SPMIP10: variants seen among roughly 807,000 people sequenced by gnomAD.
The protein encoded by SPMIP10 is sperm microtubule inner protein 10, also known as sperm-associated microtubule inner protein 10.
the SPMIP10 span, chr5:126,631,712 T>A: frequency 0.086 from 128,073 of 1,481,038 alleles, 13,313 homozygotes; most frequent in African/African-American, 0.51. Context: ...TTTAGATGAG[T>A]ATTCCATCCA....
chr5:126,634,203 G>A, the SPMIP10 span, among the ~76,000 whole-genome samples: 12 of 152,180 alleles, frequency 7.9e-5, no homozygotes, highest in African/African-American at 2.2e-4. Flanking sequence ...AGGCGGAGGC[G>A]GGCAGATAAC....
the SPMIP10 span, among the ~76,000 whole-genome samples, chr5:126,633,285 A>T: frequency 6.6e-6 from 1 of 152,140 alleles, no homozygotes; most frequent in African/African-American, 2.4e-5. Context: ...ATAGAGAGGC[A>T]TGGGAATATT....
At chr5:126,635,450 T>G in the SPMIP10 span, among the ~76,000 whole-genome samples, 1 of 152,242 alleles carries the variant, frequency 6.6e-6, no homozygotes, top group African/African-American at 2.4e-5. Context: ...ATTTTATATT[T>G]GAAAAAGCTG....
At chr5:126,636,162 C>T in the SPMIP10 span, 2 of 1,614,130 alleles carry the variant, frequency 1.2e-6, no homozygotes, top group Middle Eastern at 1.6e-4. Flanking sequence ...ATAAAAATTG[C>T]AGATATGCCT....
chr5:126,635,101 C>T, the SPMIP10 span, among the ~76,000 whole-genome samples: 2 of 151,042 alleles, frequency 1.3e-5, no homozygotes, highest in Non-Finnish European at 2.9e-5. Context: ...CTAGGAGTTC[C>T]AGGCTGCAGT....
At chr5:126,635,470 G>C in the SPMIP10 span, among the ~76,000 whole-genome samples, 1 of 151,894 alleles carries the variant, frequency 6.6e-6, no homozygotes, top group South Asian at 2.1e-4. Flanking sequence ...GAGTCTTCTG[G>C]GAGTAAATGA....
the SPMIP10 span, among the ~76,000 whole-genome samples, chr5:126,634,324 T>G: frequency 6.6e-6 from 1 of 152,056 alleles, no homozygotes; most frequent in African/African-American, 2.4e-5. Context: ...CCCAGCTACT[T>G]GGGAGGCTGA....
the SPMIP10 span, among the ~76,000 whole-genome samples, chr5:126,632,286 A>T: frequency 5.2e-5 from 7 of 135,382 alleles, no homozygotes; most frequent in Admixed American, 2.3e-4. Context: ...AAAAAAAAAA[A>T]GTCAGATTAA....
At chr5:126,633,008 C>CATATACATATAT in the SPMIP10 span, among the ~76,000 whole-genome samples, 9 of 125,366 alleles carry the variant, frequency 7.2e-5, no homozygotes, top group African/African-American at 3.5e-4. Context: ...ATAAATTTTA[C>CATATACATATAT]ATATATATAT....
chr5:126,633,880 G>A, the SPMIP10 span, among the ~76,000 whole-genome samples: 21 of 151,290 alleles, frequency 1.4e-4, no homozygotes, highest in Admixed American at 1.2e-3. Context: ...GTCCAGGCTG[G>A]TCTCCTGGGC....
At chr5:126,634,938 T>G in the SPMIP10 span, among the ~76,000 whole-genome samples, 1 of 151,928 alleles carries the variant, frequency 6.6e-6, no homozygotes, top group Admixed American at 6.6e-5. Flanking sequence ...GTTGGGAGGC[T>G]GAGACAGGGG....
the SPMIP10 span, chr5:126,636,036 C>G: frequency 3.1e-6 from 5 of 1,611,948 alleles, no homozygotes; most frequent in East Asian, 4.5e-5. Flanking sequence ...TCTTAGCAAG[C>G]AGAAGTGTGT....
chr5:126,631,829 T>G, the SPMIP10 span: 1 of 1,578,618 alleles, frequency 6.3e-7, no homozygotes, highest in Admixed American at 1.7e-5. Flanking sequence ...AAGTAAGGAT[T>G]TATGGGATTC....
the SPMIP10 span, chr5:126,632,726 G>A: frequency 1.1e-6 from 1 of 909,358 alleles, no homozygotes; most frequent in Non-Finnish European, 1.8e-6. Flanking sequence ...GGTGACTTGT[G>A]CCAATAATCC....
the SPMIP10 span, among the ~76,000 whole-genome samples, chr5:126,633,426 T>C: frequency 5.3e-5 from 8 of 152,118 alleles, no homozygotes; most frequent in Admixed American, 4.6e-4. Flanking sequence ...AGTGGCGTGA[T>C]CACAGCTCAC....
the SPMIP10 span, chr5:126,632,395 T>C: frequency 1.6e-5 from 9 of 566,554 alleles, no homozygotes; most frequent in East Asian, 2.0e-4. Context: ...ACTTAAATGG[T>C]TATCTTTTAG....
chr5:126,633,008 C>CATATATATAAATATAT, the SPMIP10 span, among the ~76,000 whole-genome samples: 8 of 125,334 alleles, frequency 6.4e-5, no homozygotes, highest in African/African-American at 3.1e-4. Context: ...ATAAATTTTA[C>CATATATATAAATATAT]ATATATATAT....
At chr5:126,632,576 A>C in the SPMIP10 span, 2 of 1,611,364 alleles carry the variant, frequency 1.2e-6, no homozygotes, top group South Asian at 2.2e-5. Context: ...CACGATTTTC[A>C]TTAAAGCAAG....
At chr5:126,635,024 C>T in the SPMIP10 span, among the ~76,000 whole-genome samples, 1 of 151,628 alleles carries the variant, frequency 6.6e-6, no homozygotes, top group Admixed American at 6.6e-5. Flanking sequence ...AAAAAATTAT[C>T]CAGGCATTGT....
Sources: allele counts gnomAD v4.1 joint callset (sites outside exome capture counted in the v4.1 genomes callset), GRCh38; gene constraint gnomAD v4.1.1; transcripts MANE v1.5; gene names NCBI Gene and HGNC (gene_info 2026-07-23, HGNC 2026-07-21).